JARID2: variants seen among roughly 807,000 people sequenced by gnomAD.
The protein encoded by JARID2 is protein Jumonji.
A neutral mutation model predicts 125.6 loss-of-function variants in JARID2; 21 were observed. The observed-to-expected ratio is 0.17, with a 90% CI of 0.12 to 0.24. JARID2 has a LOEUF of 0.24. Among genes scored for constraint, JARID2 ranks in the 10% least tolerant of loss-of-function variants. The pLI is 1.00. For missense variants in JARID2, 1,303 were observed against 1,639.6 expected (o/e 0.79, Z 3.55); for synonymous variants, 736 against 661.6 (o/e 1.11, Z -1.73).
At chr6:15,515,080 C>T (rs546120769) in intron 16 of JARID2, among the ~76,000 whole-genome samples, 1 of 151,808 alleles carries the variant, frequency 6.6e-6, no homozygotes, top group African/African-American at 2.4e-5. Context: ...GACAGTCTTG[C>T]TCTGTTGCCT....
Position 15,473,514 on chromosome 6 carries a change from G to GCTC in JARID2, c.670+4797_670+4798insTCC, listed in dbSNP as rs1561887593. ...GTCTCCCTTGTCTTCTGATGTGCGT[G>GCTC]CCCCCCCCCCCCCCCCGCTTTGTGT... is the stretch of plus-strand genomic sequence containing the variant. On this transcript the variant is annotated intron_variant, in intron 5 of 17. Coordinates refer to ENST00000341776, the MANE Select transcript of JARID2 (RefSeq NM_004973.4). Among the ~76,000 whole-genome samples, 12 of 35,000 alleles carry GCTC rather than the reference G, an allele frequency of 3.4e-4. 1 individual carries two copies. The highest frequency in any genetic ancestry group is 8.2e-4 in the Non-Finnish European group (11 of 13,446). 23.0% of individuals were successfully genotyped at this position (35,000 alleles called of 152,430 possible). A position where few individuals can be genotyped will look rare whatever the true frequency, so the allele number is the denominator to read the frequency against.
intron 2 of JARID2, among the ~76,000 whole-genome samples, chr6:15,405,072 T>C: frequency 6.6e-6 from 1 of 152,214 alleles, no homozygotes; most frequent in Non-Finnish European, 1.5e-5. Flanking sequence ...CTTTAGAAGT[T>C]CCTTCAGCTA....
At chr6:15,487,152 T>C (rs1484686801) in intron 5 of JARID2, among the ~76,000 whole-genome samples, 155 bp from the exon 6 acceptor site, 1 of 152,130 alleles carries the variant, frequency 6.6e-6, no homozygotes, top group Non-Finnish European at 1.5e-5. Context: ...ACTGCCTCCA[T>C]GATCCAGTCA....
At chr6:15,438,425 A>AGG (rs1767304280) in intron 3 of JARID2, among the ~76,000 whole-genome samples, 1 of 150,488 alleles carries the variant, frequency 6.6e-6, no homozygotes, top group African/African-American at 2.4e-5. Context: ...GTCAGCAGTG[A>AGG]GGGAGATGTA....
intron 3 of JARID2, among the ~76,000 whole-genome samples, chr6:15,438,299 GA>G (rs1767299595): frequency 6.6e-6 from 1 of 152,142 alleles, no homozygotes; most frequent in African/African-American, 2.4e-5. Context: ...GGCGGAATCG[GA>G]AAGTTGCATT....
intron 1 of JARID2, among the ~76,000 whole-genome samples, chr6:15,257,157 A>AG (rs1041409789): frequency 1.2e-4 from 19 of 152,132 alleles, no homozygotes; most frequent in African/African-American, 4.6e-4. Flanking sequence ...TTTTCTTTTC[A>AG]GGGGGATTTT....
chr6:15,426,323 C>G (rs1766724690), intron 3 of JARID2, among the ~76,000 whole-genome samples: 1 of 152,154 alleles, frequency 6.6e-6, no homozygotes, highest in South Asian at 2.1e-4. Flanking sequence ...CACAAGCTGG[C>G]TGAGAGAGAA....
chr6:15,493,703 A>G (rs182136982), intron 6 of JARID2, among the ~76,000 whole-genome samples: 21 of 146,280 alleles, frequency 1.4e-4, no homozygotes, highest in African/African-American at 5.4e-4. Context: ...AATAAAGATC[A>G]GCCCCAGCTG....
At chr6:15,386,676 T>G (rs1351962179) in intron 2 of JARID2, among the ~76,000 whole-genome samples, 1 of 152,248 alleles carries the variant, frequency 6.6e-6, no homozygotes, top group African/African-American at 2.4e-5. Context: ...CACCACTGCC[T>G]GTATTTTTAA....
rs1170591592 is a variant in JARID2 at position 15,247,061 on chromosome 6, C to T, written c.45+477C>T. On this transcript the variant is annotated intron_variant, in intron 1 of 17. Coordinates refer to ENST00000341776, the MANE Select transcript of JARID2 (RefSeq NM_004973.4). ...TATGGCGATCTTCTCTTTGCACTGG[C>T]ACATCAAATTTAATGTCTGTGGTCG... is the stretch of plus-strand genomic sequence containing the variant. 2.0e-5 allele frequency among the ~76,000 whole-genome samples: 3 copies of T among 152,200 alleles called. No homozygotes were observed. The East Asian group carries it at 5.8e-4, about 29-fold the overall frequency.
chr6:15,246,452 A>G lies in JARID2; in HGVS notation c.-88A>G. 9.0e-7 allele frequency: 1 copy of G among 1,105,184 alleles called. No homozygotes were observed. Among genetic ancestry groups the G allele is most frequent in the Middle Eastern group, 2.0e-4 (1 of 5,004 alleles). 68.5% of individuals were successfully genotyped at this position (1,105,184 alleles called of 1,614,324 possible). On this transcript the variant is annotated 5_prime_UTR_variant, in exon 1 of 18. Transcript: ENST00000341776. ...TCAACCACCACCAACAACAATAAAA[A>G]CCACCAGGATATTTTTTTGCAAATT...
chr6:15,492,086 T>C (rs573679579), intron 6 of JARID2, among the ~76,000 whole-genome samples: 1 of 152,338 alleles, frequency 6.6e-6, no homozygotes, highest in African/African-American at 2.4e-5. Flanking sequence ...GCCGTGTGCC[T>C]GGGATCACCT....
intron 8 of JARID2, among the ~76,000 whole-genome samples, chr6:15,501,631 G>A (rs1770740502): frequency 6.6e-6 from 1 of 152,166 alleles, no homozygotes; most frequent in Non-Finnish European, 1.5e-5. Flanking sequence ...CTGGCTCCTG[G>A]TTGTGGAGCC....
chr6:15,270,760 C>G (rs943053687), intron 1 of JARID2, among the ~76,000 whole-genome samples: 4 of 152,116 alleles, frequency 2.6e-5, no homozygotes, highest in East Asian at 1.9e-4. Flanking sequence ...CTAGCCTGGG[C>G]CACATGGTGA....
intron 7 of JARID2, among the ~76,000 whole-genome samples, chr6:15,498,516 T>A (rs1208703387): frequency 6.6e-6 from 1 of 152,096 alleles, no homozygotes; most frequent in Non-Finnish European, 1.5e-5. Flanking sequence ...TGCATCCAGG[T>A]AAGGTTGCAA....
rs1767350957 is a variant in JARID2 at position 15,439,349 on chromosome 6, TGTC to T, written c.324-12654_324-12652del. 2.6e-5 allele frequency among the ~76,000 whole-genome samples: 4 copies of T among 152,338 alleles called. 1 individual carries two copies. In the South Asian group the frequency reaches 8.3e-4, roughly 32 times the overall value. On this transcript the variant is annotated intron_variant, in intron 3 of 17. Coordinates refer to ENST00000341776, the MANE Select transcript of JARID2 (RefSeq NM_004973.4). ...CCCCTGCTGTTATGTTTTATTAGGA[TGTC>T]GTGCAATTTATTCTCCCGTTTCTTT...
intron 1 of JARID2, among the ~76,000 whole-genome samples, chr6:15,253,597 G>A (rs1759539016): frequency 6.6e-6 from 1 of 151,900 alleles, no homozygotes; most frequent in Admixed American, 6.6e-5. Flanking sequence ...CTGGCAGCTC[G>A]ACTACCACTC....
intron 1 of JARID2, among the ~76,000 whole-genome samples, chr6:15,300,690 T>C (rs1581387212): frequency 7.6e-6 from 1 of 131,732 alleles, no homozygotes; most frequent in East Asian, 2.1e-4. Context: ...ATGTTGTGTG[T>C]GTGTGTGTGT....
Position 15,496,796 on chromosome 6 carries a change from A to G in JARID2, c.1571A>G (p.Asn524Ser). 1.2e-6 allele frequency: 2 copies of G among 1,610,514 alleles called. No individual in the cohort carries two copies. The highest frequency in any genetic ancestry group is 1.7e-6 in the Non-Finnish European group (2 of 1,178,188). The change falls in exon 7 of 18, where the codon AAT becomes AGT. Residue 524 changes from asparagine to serine, a missense_variant. This residue lies in a region of JARID2 where 651 missense variants were observed against 581.6 expected (regional missense o/e 1.12). Coordinates refer to ENST00000341776, the MANE Select transcript of JARID2 (RefSeq NM_004973.4). ...HGKADSASCENRSTSQPESVH... is the reference protein window; with the variant it reads ...HGKADSASCESRSTSQPESVH... ...AAGGCGGACAGCGCCTCCTGTGAAA[A>G]TCGTTCTACCTCGCAACCGGAGTCC...
Sources: gnomAD v4.1 joint callset for allele counts (sites outside exome capture counted in the v4.1 genomes callset) on GRCh38, gnomAD v4.1.1 for gene constraint, gnomAD v4.1.1 regional missense constraint, MANE v1.5 for transcripts, NCBI Gene and HGNC (gene_info 2026-07-23, HGNC 2026-07-21) for gene names.